The following ITGB6 variants were observed in gnomAD, a reference collection of about 807,000 sequenced individuals.
The protein encoded by ITGB6 is integrin subunit beta 6, also known as integrin beta-6.
In ITGB6, 80 loss-of-function variants were observed where a neutral mutation model predicts 84.5. The observed-to-expected ratio is 0.95, with a 90% CI of 0.79 to 1.14. ITGB6 has a LOEUF of 1.14. ITGB6 is among the 50% of genes most tolerant of loss of function. ITGB6 has a pLI of 0.00. For missense variants in ITGB6, 1,006 were observed against 968.0 expected (o/e 1.04, Z -0.52); for synonymous variants, 383 against 354.9 (o/e 1.08, Z -0.89).
intron 8 of ITGB6, 34 bp from the exon 9 acceptor site, chr2:160,138,233 A>G (rs1559139406): frequency 1.9e-6 from 3 of 1,547,098 alleles, no homozygotes; most frequent in Non-Finnish European, 2.6e-6. Context: ...CAGTGAAGTC[A>G]CAACCCCAAA....
intron 13 of ITGB6, among the ~76,000 whole-genome samples, chr2:160,111,337 G>A (rs1234655405): frequency 2.0e-5 from 3 of 152,148 alleles, no homozygotes; most frequent in Non-Finnish European, 4.4e-5. Flanking sequence ...ATTTTATTTT[G>A]TAAGACAGAT....
intron 10 of ITGB6, among the ~76,000 whole-genome samples, chr2:160,134,936 A>C (rs1459413621): frequency 1.3e-5 from 2 of 152,166 alleles, no homozygotes; most frequent in Non-Finnish European, 2.9e-5. Context: ...TGACAAACCC[A>C]CAGCCAATAT....
rs1696654281 is a variant in ITGB6 at position 160,100,048 on chromosome 2, C to A, written c.*1688G>T. 1 of 152,140 alleles carries A rather than the reference C, an allele frequency of 6.6e-6. No homozygotes were observed. The highest frequency in any genetic ancestry group is 1.5e-5 in the Non-Finnish European group (1 of 68,036). The allele number at this position is 152,140 out of a possible 1,614,324, so 9.4% of individuals were successfully genotyped here. On this transcript the variant is annotated 3_prime_UTR_variant, in exon 15 of 15. Transcript: ENST00000283249. Reference sequence around the variant, plus strand: ...TCAGGAACATAAAGGGTATATCAGCCCTTCGGATTTTCAAGGTGATTTTTC... The same window carrying A: ...TCAGGAACATAAAGGGTATATCAGCACTTCGGATTTTCAAGGTGATTTTTC...
At chr2:160,198,299 C>T (rs1389997399) in intron 2 of ITGB6, among the ~76,000 whole-genome samples, 1 of 152,180 alleles carries the variant, frequency 6.6e-6, no homozygotes, top group Admixed American at 6.5e-5. Context: ...TGAGGCCACA[C>T]TTCATGGATA....
intron 7 of ITGB6, among the ~76,000 whole-genome samples, chr2:160,150,991 C>T (rs968321987): frequency 6.6e-6 from 1 of 152,010 alleles, no homozygotes; most frequent in Non-Finnish European, 1.5e-5. Context: ...CTTAGACACC[C>T]ATATAATAAT....
intron 6 of ITGB6, among the ~76,000 whole-genome samples, chr2:160,171,081 C>A (rs756940606): frequency 2.0e-5 from 3 of 152,076 alleles, no homozygotes. Flanking sequence ...ACATTCATGT[C>A]GAAATTTAGA....
intron 7 of ITGB6, among the ~76,000 whole-genome samples, chr2:160,157,735 A>C (rs1373624797): frequency 6.8e-6 from 1 of 147,102 alleles, no homozygotes; most frequent in Admixed American, 6.9e-5. Flanking sequence ...AGGAAGTAGC[A>C]AAAGCACAGA....
At chr2:160,164,123 C>G (rs947871217) in intron 7 of ITGB6, among the ~76,000 whole-genome samples, 2 of 152,164 alleles carry the variant, frequency 1.3e-5, no homozygotes, top group Non-Finnish European at 2.9e-5. Context: ...TTCCAGAACA[C>G]AACTCTAAAA....
intron 13 of ITGB6, among the ~76,000 whole-genome samples, chr2:160,110,588 G>A (rs1307930924): frequency 6.6e-6 from 1 of 152,114 alleles, no homozygotes; most frequent in Non-Finnish European, 1.5e-5. Flanking sequence ...TTATGCTCTG[G>A]AAGTCCCTCC....
intron 4 of ITGB6, among the ~76,000 whole-genome samples, chr2:160,183,677 C>G (rs1318927076): frequency 1.3e-5 from 2 of 152,158 alleles, no homozygotes; most frequent in Non-Finnish European, 2.9e-5. Flanking sequence ...CCCAAATCGA[C>G]AGAATATACA....
intron 7 of ITGB6, among the ~76,000 whole-genome samples, chr2:160,158,479 C>G (rs1684706291): frequency 2.0e-5 from 3 of 152,136 alleles, no homozygotes; most frequent in Admixed American, 2.0e-4. Flanking sequence ...TATTTTGTTC[C>G]TAAGGATACT....
intron 1 of ITGB6, 91 bp downstream of exon 1, chr2:160,199,912 T>G (rs980494453): frequency 1.6e-5 from 16 of 999,208 alleles, no homozygotes; most frequent in Non-Finnish European, 2.5e-5. Flanking sequence ...ACAGATCAAA[T>G]AAAACATGAC....
chr2:160,169,089 T>G, intron 7 of ITGB6, 123 bp downstream of exon 7: 1 of 609,634 alleles, frequency 1.6e-6, no homozygotes. Context: ...AAGCGCCCAG[T>G]ACATTTGGTG....
intron 6 of ITGB6, among the ~76,000 whole-genome samples, chr2:160,169,523 A>G (rs942364569): frequency 1.3e-5 from 2 of 152,214 alleles, no homozygotes; most frequent in African/African-American, 4.8e-5. Flanking sequence ...TCAAGTCCTA[A>G]GAGTCAGTTC....
rs1240880085 is a variant in ITGB6 at position 160,100,572 on chromosome 2, G to A, written c.*1164C>T. 6.6e-6 allele frequency: 1 copy of A among 152,172 alleles called. No individual in the cohort carries two copies. The highest frequency in any genetic ancestry group is 2.1e-4 in the South Asian group (1 of 4,832). 9.4% of individuals were successfully genotyped at this position (152,172 alleles called of 1,614,324 possible). A position where few individuals can be genotyped will look rare whatever the true frequency, so the allele number is the denominator to read the frequency against. ...AGTGAGACGAAAGTGCTTTGTAAAG[G>A]AGTAATAACCACAAGAAATAATATT... is the stretch of plus-strand genomic sequence containing the variant. On this transcript the variant is annotated 3_prime_UTR_variant, in exon 15 of 15. Transcript: ENST00000283249.
chr2:160,137,953 A>T, intron 9 of ITGB6, 102 bp from the exon 10 acceptor site: 1 of 1,526,860 alleles, frequency 6.5e-7, no homozygotes, highest in Non-Finnish European at 8.8e-7. Context: ...TTACTAGAAA[A>T]TCTTTGAAAA....
At chr2:160,161,587 G>A (rs891067681) in intron 7 of ITGB6, among the ~76,000 whole-genome samples, 2 of 152,060 alleles carry the variant, frequency 1.3e-5, no homozygotes, top group African/African-American at 4.8e-5. Context: ...CACCATGCCC[G>A]GCCAGAAAAA....
chr2:160,107,436 C>T (rs1696951520), intron 14 of ITGB6, among the ~76,000 whole-genome samples: 1 of 152,108 alleles, frequency 6.6e-6, no homozygotes, highest in South Asian at 2.1e-4. Flanking sequence ...TCTCAGGAGC[C>T]TCATGAGACC....
intron 4 of ITGB6, among the ~76,000 whole-genome samples, chr2:160,182,566 T>C (rs998753647): frequency 1.3e-5 from 2 of 152,122 alleles, no homozygotes; most frequent in African/African-American, 4.8e-5. Context: ...TGGAGAACAC[T>C]CTTCAGGATA....
Sources: gnomAD v4.1 joint callset for allele counts (sites outside exome capture counted in the v4.1 genomes callset) on GRCh38, gnomAD v4.1.1 for gene constraint, MANE v1.5 for transcripts, NCBI Gene and HGNC (gene_info 2026-07-23, HGNC 2026-07-21) for gene names.